The following CDH4 variants were observed in gnomAD, a reference collection of about 807,000 sequenced individuals.
CDH4 encodes cadherin-4.
Under a neutral mutation model 86.0 loss-of-function variants are expected in CDH4, and 33 were observed. The ratio of observed to expected loss-of-function variants is 0.38; its 90% CI spans 0.29 to 0.51. The LOEUF is 0.51. Among genes scored for constraint, CDH4 ranks in the 20% least tolerant of loss-of-function variants. The probability of loss-of-function intolerance (pLI) is 0.86; values close to 1 mark genes in which losing one functional copy is unlikely to be tolerated. For missense variants in CDH4, 1,114 were observed against 1,307.4 expected (o/e 0.85, Z 2.28); for synonymous variants, 555 against 549.4 (o/e 1.01, Z -0.14).
intron 4 of CDH4, among the ~76,000 whole-genome samples, chr20:61,823,390 A>G (rs1005365436): frequency 2.1e-5 from 1 of 48,476 alleles, no homozygotes; most frequent in Non-Finnish European, 4.5e-5. Flanking sequence ...GATGAAGGTG[A>G]ATAATAATGT....
chr20:61,811,803 C>A lies in CDH4; in HGVS notation c.577-32865C>A, dbSNP rs1426047383. ...TCTCCTGCCTCAGCCTCCCATGTAG[C>A]TGGTACTACAGGCACACGTCACCAT... On this transcript the variant is annotated intron_variant, in intron 4 of 15. Coordinates refer to ENST00000614565, the MANE Select transcript of CDH4 (RefSeq NM_001794.5). The surrounding 1 kb of genome is among the most constrained non-coding windows in gnomAD (Gnocchi z 4.4). 1.3e-5 allele frequency among the ~76,000 whole-genome samples: 2 copies of A among 151,920 alleles called. No homozygotes were observed. Among genetic ancestry groups the A allele is most frequent in the African/African-American group, 4.8e-5 (2 of 41,378 alleles).
chr20:61,331,145 C>A (rs932350878), intron 2 of CDH4, among the ~76,000 whole-genome samples: 14 of 152,088 alleles, frequency 9.2e-5, no homozygotes, highest in Admixed American at 9.2e-4. Context: ...TGTCTTGGGG[C>A]TCGGCGTCTC....
chr20:61,525,709 T>G (rs1262512565), intron 2 of CDH4, among the ~76,000 whole-genome samples: 3 of 152,214 alleles, frequency 2.0e-5, no homozygotes, highest in Admixed American at 6.5e-5. Context: ...CTGCTGTGAC[T>G]GAGAAACTCA....
intron 7 of CDH4, among the ~76,000 whole-genome samples, chr20:61,893,645 A>AGATG (rs1231292277): frequency 2.1e-5 from 3 of 141,856 alleles, no homozygotes; most frequent in Non-Finnish European, 3.0e-5. Flanking sequence ...GTGGTTGGAT[A>AGATG]GATGGATGGA....
At chr20:61,834,108 C>G (rs1346464648) in intron 4 of CDH4, among the ~76,000 whole-genome samples, 1 of 152,230 alleles carries the variant, frequency 6.6e-6, no homozygotes, top group African/African-American at 2.4e-5. Flanking sequence ...CCCACACAGT[C>G]CATGCAGAGC....
In CDH4 at chr20:61,422,424, C is replaced by CAA. The variant is rs869235928; in HGVS notation, c.169+167529_169+167530dup. Among the ~76,000 whole-genome samples, 160 of 22,240 alleles carry CAA rather than the reference C, an allele frequency of 7.2e-3. 23 individuals carry two copies. The highest frequency in any genetic ancestry group is 0.011 in the Non-Finnish European group (135 of 12,284). 14.6% of individuals were successfully genotyped at this position (22,240 alleles called of 152,430 possible). On this transcript the variant is annotated intron_variant, in intron 2 of 15. Transcript: ENST00000614565. ...GGGCAATAAGAGCAAAACTCCGTCT[C>CAA]AAAAAAAAAAAAAAAAAAAAAAAAA...
chr20:61,253,605 G>A (rs897452668), intron 1 of CDH4, among the ~76,000 whole-genome samples: 3 of 152,272 alleles, frequency 2.0e-5, no homozygotes, highest in African/African-American at 7.2e-5. Flanking sequence ...AAACTTTCCT[G>A]GGCGAGTTGA....
chr20:61,303,787 C>T (rs750559050), intron 2 of CDH4, among the ~76,000 whole-genome samples: 42 of 152,318 alleles, frequency 2.8e-4, no homozygotes, highest in Non-Finnish European at 5.1e-4. Flanking sequence ...GCCCGGGACA[C>T]GGAGGCACCA....
At chr20:61,563,978 G>T (rs1316673825) in intron 2 of CDH4, among the ~76,000 whole-genome samples, 1 of 152,138 alleles carries the variant, frequency 6.6e-6, no homozygotes, top group Non-Finnish European at 1.5e-5. Context: ...ACCCAGAAAT[G>T]AGACTAATTC....
At position 61,829,130 on chromosome 20, in the gene CDH4, C is replaced by T. The variant is rs888801003; in HGVS notation, c.577-15538C>T. Among the ~76,000 whole-genome samples, 3 of 152,214 alleles carry T rather than the reference C, an allele frequency of 2.0e-5. No individual in the cohort carries two copies. The highest frequency in any genetic ancestry group is 2.1e-4 in the South Asian group (1 of 4,830). ...TTCCTAACAGGCCACAGACCGGTACCGGGTTGGGGACCCTGCTTTAAGCAG... is the reference window on the plus strand; with the variant it reads ...TTCCTAACAGGCCACAGACCGGTACTGGGTTGGGGACCCTGCTTTAAGCAG... On this transcript the variant is annotated intron_variant, in intron 4 of 15. Transcript: ENST00000614565. The surrounding 1 kb of genome is among the most constrained non-coding windows in gnomAD (Gnocchi z 4.2).
rs958900490 is a variant in CDH4, at chr20:61,254,851, G to C, written c.83G>C (p.Arg28Thr). The change falls in exon 2 of 16, where the codon AGA becomes ACA. Residue 28 changes from arginine (R) to threonine (T), a missense_variant. Around this residue, in one of 3 missense-constraint regions of CDH4, gnomAD observed 221 missense variants for 209.5 expected, o/e 1.05. Coordinates refer to ENST00000614565, the MANE Select transcript of CDH4 (RefSeq NM_001794.5). ...LRAHNEDLTT[R>T]ETCKAGFSED... ...GCCCATAATGAGGATCTTACAACTAGAGAGACCTGCAAGGCTGGGTTCTCT... is the reference window on the plus strand; with the variant it reads ...GCCCATAATGAGGATCTTACAACTACAGAGACCTGCAAGGCTGGGTTCTCT... 2 of 1,610,276 alleles carry C rather than the reference G, an allele frequency of 1.2e-6. No homozygotes were observed. The highest frequency in any genetic ancestry group is 1.1e-5 in the South Asian group (1 of 91,012).
chr20:61,519,080 T>C (rs531824282), intron 2 of CDH4, among the ~76,000 whole-genome samples: 1 of 152,336 alleles, frequency 6.6e-6, no homozygotes, highest in South Asian at 2.1e-4. Context: ...AGTATGACCA[T>C]CACCCCTCCA....
chr20:61,832,036 T>C (rs1981643968), intron 4 of CDH4, among the ~76,000 whole-genome samples: 1 of 152,174 alleles, frequency 6.6e-6, no homozygotes, highest in Non-Finnish European at 1.5e-5. Context: ...ATCCTGCAAG[T>C]TGGGTGGATG....
Position 61,713,675 on chromosome 20 carries a change from C to T in CDH4, c.170-29888C>T, listed in dbSNP as rs535997155. On this transcript the variant is annotated intron_variant, in intron 2 of 15. Transcript: ENST00000614565. ...GAGGCCCTGGGGCAAGGGCTGCCCCCCACTGCCCTGCTGTATCATATGAGC... is the reference window on the plus strand; with the variant it reads ...GAGGCCCTGGGGCAAGGGCTGCCCCTCACTGCCCTGCTGTATCATATGAGC... Among the ~76,000 whole-genome samples the T allele has an allele frequency of 3.9e-5, 6 of 152,364 alleles. No homozygotes were observed. The South Asian group carries it at 1.2e-3, about 32-fold the overall frequency.
chr20:61,621,477 G>C (rs1035356185), intron 2 of CDH4, among the ~76,000 whole-genome samples: 1 of 152,186 alleles, frequency 6.6e-6, no homozygotes, highest in African/African-American at 2.4e-5. Context: ...TTTTTGGATA[G>C]GTTAATTTGC....
rs1031281818 is a variant in CDH4 at position 61,860,292 on chromosome 20, C to A, written c.877+7394C>A. Among the ~76,000 whole-genome samples the A allele has an allele frequency of 3.3e-5, 5 of 152,344 alleles. No individual in the cohort carries two copies. The East Asian group carries it at 9.6e-4, about 29-fold the overall frequency. ...CTATGTTCCAGATTCCTCAGAGCACCGAGGTCCACGGGGTCCTTGCCTGGT... is the reference window on the plus strand; with the variant it reads ...CTATGTTCCAGATTCCTCAGAGCACAGAGGTCCACGGGGTCCTTGCCTGGT... On this transcript the variant is annotated intron_variant, in intron 6 of 15. Coordinates refer to ENST00000614565, the MANE Select transcript of CDH4 (RefSeq NM_001794.5).
intron 2 of CDH4, among the ~76,000 whole-genome samples, chr20:61,361,725 G>A (rs916373381): frequency 5.3e-4 from 81 of 152,320 alleles, no homozygotes; most frequent in Admixed American, 4.6e-4. Context: ...TCAGGAAAGC[G>A]GTGCAGGCAT....
intron 2 of CDH4, among the ~76,000 whole-genome samples, chr20:61,716,247 G>GGGGT: frequency 2.6e-5 from 4 of 152,264 alleles, no homozygotes; most frequent in African/African-American, 9.6e-5. Flanking sequence ...GAGCTATAAA[G>GGGGT]GGACAGATGC....
Position 61,934,227 on chromosome 20 carries a change from G to C in CDH4, c.2544+7G>C, listed in dbSNP as rs2055151329. The C allele has an allele frequency of 6.5e-7, 1 of 1,530,668 alleles. No individual in the cohort carries two copies. The highest frequency in any genetic ancestry group is 1.2e-5 in the South Asian group (1 of 80,312). The allele number at this position is 1,530,668 out of a possible 1,614,324, so 94.8% of individuals were successfully genotyped here. A position where few individuals can be genotyped will look rare whatever the true frequency, so the allele number is the denominator to read the frequency against. ...CGGTGACTTCATCAATGAGGTGTGT[G>C]CCTCTCGGCAGTGGGGGGCCCGGGC... On this transcript the variant is annotated splice_region_variant and intron_variant, in intron 15 of 15. Coordinates refer to ENST00000614565, the MANE Select transcript of CDH4 (RefSeq NM_001794.5).
Sources: gnomAD v4.1 joint callset for allele counts (sites outside exome capture counted in the v4.1 genomes callset) on GRCh38, gnomAD v4.1.1 for gene constraint, gnomAD v4.1.1 regional missense constraint, Gnocchi (gnomAD v3.1) non-coding constraint, MANE v1.5 for transcripts, NCBI Gene and HGNC (gene_info 2026-07-23, HGNC 2026-07-21) for gene names.